DTNBP1: variants seen among roughly 807,000 people sequenced by gnomAD.
DTNBP1 encodes the protein dysbindin.
Under a neutral mutation model 42.8 loss-of-function variants are expected in DTNBP1, and 35 were observed. That is an observed-to-expected ratio of 0.82 (90% CI 0.63 to 1.09). The LOEUF is 1.09. Ranked by LOEUF, DTNBP1 falls within the 50% of genes least tolerant of loss-of-function variation. The pLI, the probability that DTNBP1 is intolerant of heterozygous loss-of-function variation, is 0.00. For missense variants in DTNBP1, 457 were observed against 424.2 expected, an observed-to-expected ratio of 1.08 and a Z score of -0.68; for synonymous variants, 171 against 162.2, an observed-to-expected ratio of 1.05 and a Z score of -0.41.
chr6:15,599,902 C>A (rs1776661790), intron 6 of DTNBP1, among the ~76,000 whole-genome samples: 1 of 152,066 alleles, frequency 6.6e-6, no homozygotes, highest in Non-Finnish European at 1.5e-5. Flanking sequence ...CTAGCCAATT[C>A]CTTAAAGAGC....
intron 7 of DTNBP1, among the ~76,000 whole-genome samples, chr6:15,572,343 A>G (rs1336010931): frequency 6.6e-6 from 1 of 152,160 alleles, no homozygotes; most frequent in Non-Finnish European, 1.5e-5. Context: ...TCTTCCTTTC[A>G]TGGTTGTAGC....
intron 5 of DTNBP1, among the ~76,000 whole-genome samples, chr6:15,618,582 C>T (rs1490657872): frequency 1.3e-5 from 2 of 151,728 alleles, no homozygotes; most frequent in Non-Finnish European, 2.9e-5. Context: ...ATAACAAATT[C>T]TGTCAAGAAC....
At chr6:15,524,868 A>G in intron 8 of DTNBP1, among the ~76,000 whole-genome samples, 199 bp from the exon 9 acceptor site, 1 of 96,306 alleles carries the variant, frequency 1.0e-5, no homozygotes, top group African/African-American at 6.2e-5. Flanking sequence ...AACTATTATT[A>G]CCTTTTACAC....
chr6:15,525,005 G>A (rs1373505870), intron 8 of DTNBP1, among the ~76,000 whole-genome samples: 1 of 152,242 alleles, frequency 6.6e-6, no homozygotes, highest in Non-Finnish European at 1.5e-5. Context: ...TGCAGCAACA[G>A]TTAGCGACCT....
chr6:15,642,439 G>A (rs1364215001), intron 3 of DTNBP1, among the ~76,000 whole-genome samples: 1 of 152,052 alleles, frequency 6.6e-6, no homozygotes, highest in African/African-American at 2.4e-5. Context: ...ACCATCCCCT[G>A]CCCACTCAGG....
At chr6:15,644,264 A>T (rs992736298) in intron 3 of DTNBP1, among the ~76,000 whole-genome samples, 3 of 152,146 alleles carry the variant, frequency 2.0e-5, no homozygotes, top group Admixed American at 1.3e-4. Flanking sequence ...ATATATATGT[A>T]CCCAACATCA....
At chr6:15,570,659 C>T (rs985851514) in intron 7 of DTNBP1, among the ~76,000 whole-genome samples, 1 of 152,224 alleles carries the variant, frequency 6.6e-6, no homozygotes, top group African/African-American at 2.4e-5. Flanking sequence ...AAGTCACTTT[C>T]CTTCAAATTT....
chr6:15,654,064 A>C (rs1761156770), intron 1 of DTNBP1, among the ~76,000 whole-genome samples: 1 of 152,242 alleles, frequency 6.6e-6, no homozygotes, highest in Non-Finnish European at 1.5e-5. Context: ...AATGTCATAC[A>C]AAGAGTTTCA....
At chr6:15,635,921 T>C (rs1201307348) in intron 4 of DTNBP1, among the ~76,000 whole-genome samples, 2 of 152,324 alleles carry the variant, frequency 1.3e-5, no homozygotes, top group South Asian at 2.1e-4. Context: ...TATATAACTA[T>C]TTAACAGTCA....
chr6:15,562,242 C>T (rs181683328), intron 7 of DTNBP1, among the ~76,000 whole-genome samples: 14 of 152,310 alleles, frequency 9.2e-5, no homozygotes, highest in African/African-American at 3.4e-4. Flanking sequence ...TGCACAAGAT[C>T]CAAGTACCCT....
intron 6 of DTNBP1, among the ~76,000 whole-genome samples, chr6:15,608,018 A>C (rs1758176457): frequency 6.6e-6 from 1 of 151,962 alleles, no homozygotes; most frequent in Non-Finnish European, 1.5e-5. Context: ...TTCTTTTTTC[A>C]ATTTTAAATA....
chr6:15,610,859 T>C (rs998236244), intron 6 of DTNBP1, among the ~76,000 whole-genome samples: 3 of 152,244 alleles, frequency 2.0e-5, no homozygotes, highest in African/African-American at 4.8e-5. Flanking sequence ...GGTTGGTTCA[T>C]GGAATTTAAA....
chr6:15,594,594 T>A (rs1046294195), intron 6 of DTNBP1, among the ~76,000 whole-genome samples: 1 of 152,114 alleles, frequency 6.6e-6, no homozygotes, highest in South Asian at 2.1e-4. Context: ...TAAAACCTGC[T>A]TTATACCCCG....
chr6:15,593,486 C>T (rs368193476), intron 6 of DTNBP1, among the ~76,000 whole-genome samples: 3 of 152,102 alleles, frequency 2.0e-5, no homozygotes, highest in Admixed American at 1.3e-4. Context: ...TTTTTGAGAT[C>T]GTTAGTTAAG....
intron 7 of DTNBP1, among the ~76,000 whole-genome samples, chr6:15,564,054 A>T (rs1161505128): frequency 2.0e-5 from 3 of 149,954 alleles, no homozygotes; most frequent in Admixed American, 2.0e-4. Flanking sequence ...AGCCTGGGCA[A>T]CTTGGTCTCG....
intron 3 of DTNBP1, among the ~76,000 whole-genome samples, chr6:15,638,390 T>C (rs1347949633): frequency 6.6e-6 from 1 of 152,094 alleles, no homozygotes; most frequent in South Asian, 2.1e-4. Context: ...AGTGCTGGGA[T>C]TACAGGCATG....
intron 6 of DTNBP1, among the ~76,000 whole-genome samples, chr6:15,605,073 T>G (rs1273651227): frequency 6.6e-6 from 1 of 152,216 alleles, no homozygotes; most frequent in Non-Finnish European, 1.5e-5. Flanking sequence ...TTCAAGATGT[T>G]ACTATTTTTG....
intron 5 of DTNBP1, among the ~76,000 whole-genome samples, chr6:15,622,283 A>G (rs1759082237): frequency 6.6e-6 from 1 of 152,222 alleles, no homozygotes; most frequent in Non-Finnish European, 1.5e-5. Flanking sequence ...ATTATCAGTG[A>G]CTTAAAACAG....
At chr6:15,545,304 T>A (rs944360888) in intron 7 of DTNBP1, among the ~76,000 whole-genome samples, 2 of 152,200 alleles carry the variant, frequency 1.3e-5, no homozygotes, top group Admixed American at 6.5e-5. Context: ...CAATAATTAG[T>A]TTTCAAAACA....
Sources: allele counts gnomAD v4.1 joint callset (sites outside exome capture counted in the v4.1 genomes callset), GRCh38; gene constraint gnomAD v4.1.1; transcripts MANE v1.5; gene names NCBI Gene and HGNC (gene_info 2026-07-23, HGNC 2026-07-21).